ATL2: variants seen among roughly 807,000 people sequenced by gnomAD.
ATL2 encodes the protein atlastin GTPase 2.
ATL2 carries 31 observed loss-of-function variants against 73.9 expected under a neutral mutation model. The observed-to-expected ratio is 0.42, with a 90% CI of 0.32 to 0.57. The LOEUF is 0.57. Ranked by LOEUF, ATL2 falls within the 20% of genes least tolerant of loss-of-function variation. The pLI, the probability that ATL2 is intolerant of heterozygous loss-of-function variation, is 0.14. For missense variants in ATL2, 738 were observed against 702.6 expected, an observed-to-expected ratio of 1.05 and a Z score of -0.57; for synonymous variants, 291 against 237.5, an observed-to-expected ratio of 1.23 and a Z score of -2.07.
At chr2:38,317,613 T>C (rs1393557153) in intron 4 of ATL2, among the ~76,000 whole-genome samples, 2 of 152,214 alleles carry the variant, frequency 1.3e-5, no homozygotes, top group African/African-American at 4.8e-5. Context: ...TCTGCTTTTA[T>C]CTCCTTTAGT....
rs773881094 is a variant in ATL2, at chr2:38,343,522, A to G, written c.119-10T>C. On this transcript the variant is annotated splice_polypyrimidine_tract_variant and intron_variant, in intron 1 of 12. Transcript: ENST00000378954. Reference sequence around the variant, plus strand: ...TCTTCATAATTCTCACCTAGAATTTAAAAAGAAAGAAACTGGTTACTTTAA... The same window carrying G: ...TCTTCATAATTCTCACCTAGAATTTGAAAAGAAAGAAACTGGTTACTTTAA... 1.6e-5 allele frequency: 26 copies of G among 1,598,558 alleles called. No homozygotes were observed. In the Admixed American group the frequency reaches 4.6e-4, roughly 28 times the overall value.
intron 2 of ATL2, among the ~76,000 whole-genome samples, chr2:38,325,644 A>AG (rs1668565843): frequency 1.2e-5 from 1 of 83,104 alleles, no homozygotes; most frequent in Admixed American, 1.1e-4. Flanking sequence ...ACACACACAC[A>AG]CACACACACA....
chr2:38,321,089 G>C (rs1170868077), intron 2 of ATL2, among the ~76,000 whole-genome samples: 1 of 152,084 alleles, frequency 6.6e-6, no homozygotes, highest in African/African-American at 2.4e-5. Flanking sequence ...CGGGTTTCAG[G>C]TGGGTTGTGG....
intron 2 of ATL2, among the ~76,000 whole-genome samples, chr2:38,330,753 A>G (rs1404721640): frequency 1.3e-5 from 2 of 152,238 alleles, no homozygotes; most frequent in African/African-American, 4.8e-5. Context: ...AAAATATCCC[A>G]TATTCATGGA....
chr2:38,348,637 A>G (rs74709894), intron 1 of ATL2, among the ~76,000 whole-genome samples: 8 of 146,454 alleles, frequency 5.5e-5, no homozygotes, highest in African/African-American at 1.7e-4. Flanking sequence ...GAAGTTTAAG[A>G]AAAAAAAAAA....
At chr2:38,338,434 T>C (rs557334036) in intron 2 of ATL2, among the ~76,000 whole-genome samples, 2 of 152,272 alleles carry the variant, frequency 1.3e-5, no homozygotes, top group African/African-American at 2.4e-5. Flanking sequence ...AACCTGCACA[T>C]ATAGCCCCTG....
intron 2 of ATL2, among the ~76,000 whole-genome samples, chr2:38,326,428 A>C (rs766619559): frequency 1.3e-5 from 2 of 152,258 alleles, no homozygotes; most frequent in African/African-American, 2.4e-5. Flanking sequence ...CCATGCCAAA[A>C]GGCAAGAAAA....
intron 2 of ATL2, among the ~76,000 whole-genome samples, chr2:38,322,825 G>T (rs1668397943): frequency 6.6e-6 from 1 of 152,158 alleles, no homozygotes; most frequent in Admixed American, 6.5e-5. Flanking sequence ...GCTGCAGTGA[G>T]CTATGATGAT....
Position 38,295,445 on chromosome 2 carries a change from T to C in ATL2, c.*549A>G, listed in dbSNP as rs1666841259. On this transcript the variant is annotated 3_prime_UTR_variant, in exon 13 of 13. Transcript: ENST00000378954. Reference sequence around the variant, plus strand: ...AGACAAATGTACACCTCAGAATTACTTTCTTAGCTACAAGAGTTGCCATGT... The same window carrying C: ...AGACAAATGTACACCTCAGAATTACCTTCTTAGCTACAAGAGTTGCCATGT... 1 of 152,234 alleles carries C rather than the reference T, an allele frequency of 6.6e-6. No individual in the cohort carries two copies. The highest frequency in any genetic ancestry group is 6.5e-5 in the Admixed American group (1 of 15,282). The allele number at this position is 152,234 out of a possible 1,614,324, so 9.4% of individuals were successfully genotyped here. A position where few individuals can be genotyped will look rare whatever the true frequency, so the allele number is the denominator to read the frequency against.
At chr2:38,301,014 A>G (rs1667161314) in intron 9 of ATL2, among the ~76,000 whole-genome samples, 1 of 145,270 alleles carries the variant, frequency 6.9e-6, no homozygotes, top group Non-Finnish European at 1.5e-5. Flanking sequence ...CTTATTGCCC[A>G]GGCTGGAGTG....
At chr2:38,375,405 G>C (rs748292159) in intron 1 of ATL2, among the ~76,000 whole-genome samples, 2 of 152,078 alleles carry the variant, frequency 1.3e-5, no homozygotes, top group Non-Finnish European at 2.9e-5. Context: ...TTGCTGATCC[G>C]TCCTAAAAAA....
At chr2:38,371,261 A>C (rs1490110438) in intron 1 of ATL2, among the ~76,000 whole-genome samples, 1 of 151,606 alleles carries the variant, frequency 6.6e-6, no homozygotes, top group Non-Finnish European at 1.5e-5. Context: ...TAATCCCAAC[A>C]CTTGGGAGGC....
At chr2:38,346,784 C>T (rs1483549648) in intron 1 of ATL2, among the ~76,000 whole-genome samples, 2 of 152,156 alleles carry the variant, frequency 1.3e-5, no homozygotes, top group South Asian at 4.1e-4. Flanking sequence ...TAACAGGCCA[C>T]GGACGAGTAC....
chr2:38,334,923 TATATATTA>T lies in ATL2; in HGVS notation c.363+8337_363+8344del, dbSNP rs1297259257. Among the ~76,000 whole-genome samples, 4 of 137,280 alleles carry T rather than the reference TATATATTA, an allele frequency of 2.9e-5. No individual in the cohort carries two copies. The East Asian group carries it at 7.1e-4, about 24-fold the overall frequency. 90.1% of individuals were successfully genotyped at this position (137,280 alleles called of 152,430 possible). ...ATTATTTATAATATATAAATATATTTATATATTATAATATATAACATTTATATAATAAA... is the reference window on the plus strand; with the variant it reads ...ATTATTTATAATATATAAATATATTTTAATATATAACATTTATATAATAAA... On this transcript the variant is annotated intron_variant, in intron 2 of 12. Coordinates refer to ENST00000378954, the MANE Select transcript of ATL2 (RefSeq NM_001135673.4).
In ATL2 at chr2:38,315,349, T is replaced by C. The variant is rs764550405; in HGVS notation, c.604-15A>G. On this transcript the variant is annotated splice_polypyrimidine_tract_variant and intron_variant, in intron 4 of 12. Coordinates refer to ENST00000378954, the MANE Select transcript of ATL2 (RefSeq NM_001135673.4). ...AGATTATATACCTGTTGAAACAAAA[T>C]TTATTTTGTTTTTTATTAGTGTTTT... 4.7e-6 allele frequency: 7 copies of C among 1,497,682 alleles called. No homozygotes were observed. Among genetic ancestry groups the C allele is most frequent in the Middle Eastern group, 1.7e-4 (1 of 5,752 alleles). The allele number at this position is 1,497,682 out of a possible 1,614,324, so 92.8% of individuals were successfully genotyped here.
chr2:38,311,774 T>C (rs776907180), intron 7 of ATL2, among the ~76,000 whole-genome samples: 1 of 152,204 alleles, frequency 6.6e-6, no homozygotes, highest in African/African-American at 2.4e-5. Context: ...TACACACTTA[T>C]GATTTGAGCA....
chr2:38,334,188 C>T (rs987012106), intron 2 of ATL2, among the ~76,000 whole-genome samples: 1 of 151,740 alleles, frequency 6.6e-6, no homozygotes, highest in African/African-American at 2.4e-5. Flanking sequence ...TGCCACCACC[C>T]CTGGCTAATT....
chr2:38,329,423 C>CAAAAAAAAAAAAAAAAAA (rs70954711), intron 2 of ATL2, among the ~76,000 whole-genome samples: 10 of 13,672 alleles, frequency 7.3e-4, no homozygotes, highest in Non-Finnish European at 1.1e-3. Context: ...ACTCCATCTC[C>CAAAAAAAAAAAAAAAAAA]AAAAAAAAAA....
At chr2:38,372,429 T>C (rs1332244707) in intron 1 of ATL2, among the ~76,000 whole-genome samples, 1 of 152,194 alleles carries the variant, frequency 6.6e-6, no homozygotes, top group Non-Finnish European at 1.5e-5. Flanking sequence ...ATGCAAATAC[T>C]ATACCATGTT....
Sources: gnomAD v4.1 joint callset for allele counts (sites outside exome capture counted in the v4.1 genomes callset) on GRCh38, gnomAD v4.1.1 for gene constraint, MANE v1.5 for transcripts, NCBI Gene and HGNC (gene_info 2026-07-23, HGNC 2026-07-21) for gene names.